Variants in PPP4R4 observed in about 807,000 individuals in gnomAD.
PPP4R4 encodes the protein protein phosphatase 4 regulatory subunit 4, also known as serine/threonine-protein phosphatase 4 regulatory subunit 4.
PPP4R4 carries 70 observed loss-of-function variants against 121.8 expected under a neutral mutation model. That is an observed-to-expected ratio of 0.57 (90% CI 0.47 to 0.70). PPP4R4 has a LOEUF of 0.70. PPP4R4 is among the 30% of genes least tolerant of loss of function. The pLI, the probability that PPP4R4 is intolerant of heterozygous loss-of-function variation, is 0.00. For synonymous variants in PPP4R4, 348 were observed against 355.7 expected (o/e 0.98, Z 0.24); for missense variants, 875 against 1,033.6 (o/e 0.85, Z 2.10).
At chr14:94,242,141 C>A in intron 10 of PPP4R4, 148 bp from the exon 11 acceptor site, 1 of 1,155,912 alleles carries the variant, frequency 8.7e-7, no homozygotes, top group South Asian at 1.5e-5. Context: ...GAATAATAGA[C>A]ACATATTTGG....
At chr14:94,257,642 TACACACACACACACACAC>T (rs57997995) in intron 17 of PPP4R4, among the ~76,000 whole-genome samples, 1 of 146,882 alleles carries the variant, frequency 6.8e-6, no homozygotes, top group East Asian at 2.0e-4. Context: ...CATTTAAATC[TACACACACACACACACAC>T]ACACACACAC....
At chr14:94,180,903 C>A (rs1266645492) in intron 2 of PPP4R4, among the ~76,000 whole-genome samples, 2 of 151,968 alleles carry the variant, frequency 1.3e-5, no homozygotes, top group Non-Finnish European at 2.9e-5. Flanking sequence ...GCAGTCAAAT[C>A]AGTGGAAATA....
intron 5 of PPP4R4, among the ~76,000 whole-genome samples, chr14:94,233,130 C>A (rs551988558): frequency 1.3e-5 from 2 of 151,802 alleles, no homozygotes; most frequent in South Asian, 4.2e-4. Flanking sequence ...AGAGTCTGAT[C>A]TTCATAGTGT....
intron 19 of PPP4R4, among the ~76,000 whole-genome samples, chr14:94,260,978 TATATA>T (rs1415763735): frequency 5.9e-5 from 9 of 152,128 alleles, no homozygotes; most frequent in African/African-American, 2.2e-4. Flanking sequence ...AGTACATTTT[TATATA>T]ATATATGTTT....
chr14:94,275,036 T>C (rs1894557939), intron 23 of PPP4R4, among the ~76,000 whole-genome samples: 1 of 151,988 alleles, frequency 6.6e-6, no homozygotes, highest in South Asian at 2.1e-4. Context: ...CAAAAAAGAG[T>C]ATATGCTGTA....
At chr14:94,203,550 T>G (rs1227332980) in intron 2 of PPP4R4, among the ~76,000 whole-genome samples, 1 of 152,158 alleles carries the variant, frequency 6.6e-6, no homozygotes, top group Non-Finnish European at 1.5e-5. Flanking sequence ...TGAACAGAAA[T>G]TTTTATTTCT....
At chr14:94,235,486 G>A (rs971700392) in intron 7 of PPP4R4, among the ~76,000 whole-genome samples, 1 of 131,048 alleles carries the variant, frequency 7.6e-6, no homozygotes, top group Admixed American at 9.1e-5. Context: ...TGCAAGCTCC[G>A]CCTCCCAGGT....
At chr14:94,227,121 G>A (rs1891757850) in intron 3 of PPP4R4, among the ~76,000 whole-genome samples, 1 of 152,160 alleles carries the variant, frequency 6.6e-6, no homozygotes, top group African/African-American at 2.4e-5. Flanking sequence ...AATGGGTACA[G>A]TTTTTAAAAC....
chr14:94,183,221 A>G (rs981941423), intron 2 of PPP4R4, among the ~76,000 whole-genome samples: 4 of 152,162 alleles, frequency 2.6e-5, no homozygotes, highest in Admixed American at 2.6e-4. Flanking sequence ...TGCTATTCTC[A>G]GTCCCTGTGC....
intron 18 of PPP4R4, 146 bp downstream of exon 18, chr14:94,258,970 G>A: frequency 1.2e-6 from 1 of 800,286 alleles, no homozygotes; most frequent in Admixed American, 2.7e-5. Context: ...AATCGTGACA[G>A]AAGGCAAGGA....
chr14:94,191,707 A>C (rs1409717368), intron 2 of PPP4R4, among the ~76,000 whole-genome samples: 1 of 152,202 alleles, frequency 6.6e-6, no homozygotes, highest in Admixed American at 6.5e-5. Context: ...CGCAAGGAAC[A>C]TGAAACTTTC....
intron 23 of PPP4R4, among the ~76,000 whole-genome samples, chr14:94,274,835 G>A (rs753857322): frequency 2.6e-5 from 4 of 152,122 alleles, no homozygotes; most frequent in Non-Finnish European, 4.4e-5. Context: ...AGACTTGTAC[G>A]TGAGTGTTCA....
intron 3 of PPP4R4, among the ~76,000 whole-genome samples, chr14:94,213,067 A>G (rs1274152050): frequency 6.6e-6 from 1 of 152,216 alleles, no homozygotes; most frequent in African/African-American, 2.4e-5. Flanking sequence ...TCTGTCAGAT[A>G]TTCTACACAT....
intron 2 of PPP4R4, among the ~76,000 whole-genome samples, chr14:94,192,693 G>A (rs189465225): frequency 6.6e-6 from 1 of 152,258 alleles, no homozygotes; most frequent in African/African-American, 2.4e-5. Flanking sequence ...CAGTAGCAAA[G>A]CTGGAGTTCT....
In PPP4R4 at chr14:94,246,513, A is replaced by G; in HGVS notation, c.1585A>G (p.Arg529Gly). ...SDQIYYRFLQ[R>G]MFTIMMTNNV... ...TCAGATTTATTACCGTTTCTTACAA[A>G]GAATGTTCACAATCATGATGACAAA... is the stretch of plus-strand genomic sequence containing the variant. Residue 529 changes from arginine (R) to glycine (G), a missense_variant, in exon 14 of 25, where the codon AGA (arginine) becomes GGA (glycine). Physicochemically the swap from Arg to Gly is moderately radical, Grantham distance 125. Coordinates refer to ENST00000304338, the MANE Select transcript of PPP4R4 (RefSeq NM_058237.2). 1 of 1,613,592 alleles carries G rather than the reference A, an allele frequency of 6.2e-7. No individual in the cohort carries two copies. The highest frequency in any genetic ancestry group is 8.5e-7 in the Non-Finnish European group (1 of 1,179,712).
chr14:94,237,208 G>T (rs575280833), intron 7 of PPP4R4, among the ~76,000 whole-genome samples: 1 of 152,102 alleles, frequency 6.6e-6, no homozygotes, highest in Admixed American at 6.5e-5. Context: ...GGTTTCTGCA[G>T]TTACTACTGA....
intron 24 of PPP4R4, among the ~76,000 whole-genome samples, chr14:94,277,443 A>T (rs1894705871): frequency 6.6e-6 from 1 of 152,226 alleles, no homozygotes; most frequent in Non-Finnish European, 1.5e-5. Flanking sequence ...CTGTCACATG[A>T]CAGGGCTGTC....
At chr14:94,192,260 G>A (rs1006370891) in intron 2 of PPP4R4, among the ~76,000 whole-genome samples, 2 of 151,994 alleles carry the variant, frequency 1.3e-5, no homozygotes, top group East Asian at 3.9e-4. Flanking sequence ...TCATTTTACA[G>A]GACTAACATA....
chr14:94,223,353 C>T lies in PPP4R4; in HGVS notation c.295-7234C>T, dbSNP rs558334841. On this transcript the variant is annotated intron_variant, in intron 3 of 24. Coordinates refer to ENST00000304338, the MANE Select transcript of PPP4R4 (RefSeq NM_058237.2). Reference sequence around the variant, plus strand: ...GAATATATTTTCTTCTGGCAGACACCTAACTGCACTAGCAATAGAGTCTTA... The same window carrying T: ...GAATATATTTTCTTCTGGCAGACACTTAACTGCACTAGCAATAGAGTCTTA... Among the ~76,000 whole-genome samples, 3 of 152,296 alleles carry T rather than the reference C, an allele frequency of 2.0e-5. No individual in the cohort carries two copies. The South Asian group carries it at 6.2e-4, about 32-fold the overall frequency.
Sources: allele counts gnomAD v4.1 joint callset (sites outside exome capture counted in the v4.1 genomes callset), GRCh38; gene constraint gnomAD v4.1.1; transcripts MANE v1.5; gene names NCBI Gene and HGNC (gene_info 2026-07-23, HGNC 2026-07-21).